SMIM36: variants seen among roughly 807,000 people sequenced by gnomAD.
SMIM36 encodes the protein small integral membrane protein 36.
upstream of SMIM36, among the ~76,000 whole-genome samples, chr17:55,515,086 G>GTTTTTTTT (rs1158864125): frequency 1.0e-3 from 55 of 54,086 alleles, 9 homozygotes; most frequent in Non-Finnish European, 1.5e-3. Context: ...CTAGTCTAGT[G>GTTTTTTTT]TTTTTTTTTT....
chr17:55,471,945 C>T (rs1222430663), intron 3 of SMIM36, among the ~76,000 whole-genome samples: 1 of 152,214 alleles, frequency 6.6e-6, no homozygotes, highest in Non-Finnish European at 1.5e-5. Context: ...GTTCTCACAA[C>T]CTTCAAGCAT....
At position 55,469,244 on chromosome 17, in the gene SMIM36, C is replaced by T. The variant is rs549298374; in HGVS notation, c.*348-1916G>A. 4.7e-4 allele frequency among the ~76,000 whole-genome samples: 72 copies of T among 152,256 alleles called. 1 individual carries two copies. The highest frequency in any genetic ancestry group is 1.7e-3 in the African/African-American group (69 of 41,538). ...CCCAGTTTGGCTTACAGTTTCGTTC[C>T]GCGACTAGCTCTTCCCCACTTGCCC... On this transcript the variant is annotated intron_variant, in intron 3 of 4. Transcript: ENST00000636752.
At chr17:55,511,093 C>T in exon 1 of SMIM36, 1 of 398,570 alleles carries the variant, frequency 2.5e-6, no homozygotes, top group Non-Finnish European at 4.4e-6. Flanking sequence ...AGCAGGATCC[C>T]CCAAAGAAAG....
chr17:55,501,466 T>A (rs1598457695), intron 1 of SMIM36, among the ~76,000 whole-genome samples: 1 of 88,686 alleles, frequency 1.1e-5, no homozygotes, highest in East Asian at 4.2e-4. Context: ...TATTATATAT[T>A]ATATTTTATA....
intron 4 of SMIM36, among the ~76,000 whole-genome samples, chr17:55,466,874 C>CTCCGTGTAAG (rs1447905460): frequency 6.6e-6 from 1 of 152,210 alleles, no homozygotes; most frequent in African/African-American, 2.4e-5. Flanking sequence ...TGCTGACTTG[C>CTCCGTGTAAG]TCCGTGTAAG....
upstream of SMIM36, among the ~76,000 whole-genome samples, chr17:55,514,940 A>G (rs1039423177): frequency 6.6e-6 from 1 of 152,184 alleles, no homozygotes; most frequent in African/African-American, 2.4e-5. Context: ...TAAAAATGTT[A>G]TAAACTTATT....
intron 1 of SMIM36, among the ~76,000 whole-genome samples, chr17:55,480,234 A>G (rs1210637647): frequency 1.1e-4 from 15 of 142,360 alleles, no homozygotes; most frequent in Admixed American, 9.1e-4. Context: ...GAAAAAATGG[A>G]GCGTTCTAAA....
chr17:55,499,109 A>T (rs1466414881), intron 1 of SMIM36, among the ~76,000 whole-genome samples: 2 of 152,070 alleles, frequency 1.3e-5, no homozygotes, highest in Non-Finnish European at 2.9e-5. Flanking sequence ...TATAAAGTTC[A>T]GGCTTAGTCC....
chr17:55,474,490 C>A (rs929269823), intron 3 of SMIM36, among the ~76,000 whole-genome samples: 1 of 152,230 alleles, frequency 6.6e-6, no homozygotes, highest in South Asian at 2.1e-4. Context: ...GTCCGGACAT[C>A]TGTAACTTGG....
chr17:55,479,055 G>A (rs1909473973), intron 2 of SMIM36, among the ~76,000 whole-genome samples: 1 of 152,142 alleles, frequency 6.6e-6, no homozygotes, highest in Non-Finnish European at 1.5e-5. Flanking sequence ...CAATAGGATA[G>A]CGTCACCCAC....
the SMIM36 span, among the ~76,000 whole-genome samples, chr17:55,528,983 T>C: frequency 1.3e-5 from 2 of 152,324 alleles, no homozygotes; most frequent in South Asian, 4.1e-4. Context: ...CTGGGTAGAA[T>C]TGAAGCTCTG....
the SMIM36 span, among the ~76,000 whole-genome samples, chr17:55,529,615 C>T: frequency 1.3e-5 from 2 of 150,358 alleles, no homozygotes; most frequent in Admixed American, 6.6e-5. Flanking sequence ...AAAATACACA[C>T]ACACACACAC....
intron 4 of SMIM36, among the ~76,000 whole-genome samples, chr17:55,460,291 G>A (rs537173041): frequency 9.2e-5 from 14 of 152,108 alleles, no homozygotes; most frequent in African/African-American, 2.6e-4. Context: ...AGCCAGGTGC[G>A]GTGGCAGGTG....
intron 1 of SMIM36, among the ~76,000 whole-genome samples, chr17:55,487,052 G>C (rs1263191790): frequency 1.3e-5 from 2 of 152,166 alleles, no homozygotes; most frequent in African/African-American, 4.8e-5. Flanking sequence ...GTTGGGAAGA[G>C]AGACCAGGAA....
intron 1 of SMIM36, among the ~76,000 whole-genome samples, chr17:55,493,740 G>T (rs1203841031): frequency 7.0e-6 from 1 of 141,956 alleles, no homozygotes; most frequent in Non-Finnish European, 1.5e-5. Flanking sequence ...AGCCTGGGAA[G>T]TCAAGGCTCC....
chr17:55,528,206 A>T, the SMIM36 span: 1 of 152,228 alleles, frequency 6.6e-6, no homozygotes, highest in African/African-American at 2.4e-5. Flanking sequence ...GCCTAGCCTC[A>T]TGTGAGGCAC....
intron 4 of SMIM36, among the ~76,000 whole-genome samples, chr17:55,457,135 A>T (rs1050697208): frequency 1.3e-5 from 2 of 152,160 alleles, no homozygotes; most frequent in African/African-American, 4.8e-5. Flanking sequence ...GCAGTTTTCA[A>T]ATAAATCTGC....
chr17:55,456,322 C>T (rs910674355), intron 4 of SMIM36, among the ~76,000 whole-genome samples: 2 of 152,086 alleles, frequency 1.3e-5, no homozygotes, highest in Non-Finnish European at 2.9e-5. Context: ...TTAATTGTCT[C>T]CTGTACTAGG....
At chr17:55,493,646 C>CA (rs202165835) in intron 1 of SMIM36, among the ~76,000 whole-genome samples, 1 of 151,714 alleles carries the variant, frequency 6.6e-6, no homozygotes, top group South Asian at 2.1e-4. Flanking sequence ...CCCATCTCTA[C>CA]AAAAAATACA....
Sources: allele counts gnomAD v4.1 joint callset (sites outside exome capture counted in the v4.1 genomes callset), GRCh38; gene constraint gnomAD v4.1.1; transcripts MANE v1.5; gene names NCBI Gene and HGNC (gene_info 2026-07-23, HGNC 2026-07-21).